The following NEGR1 variants were observed in gnomAD, a reference collection of about 807,000 sequenced individuals.
NEGR1 encodes IgLON family member 4.
Under a neutral mutation model 40.9 loss-of-function variants are expected in NEGR1, and 10 were observed. That is an observed-to-expected ratio of 0.24 (90% CI 0.15 to 0.42). NEGR1 has a LOEUF of 0.42. Ranked by LOEUF, NEGR1 falls within the 10% of genes least tolerant of loss-of-function variation. The pLI is 1.00. For synonymous variants in NEGR1, 185 were observed against 166.8 expected (o/e 1.11, Z -0.84); for missense variants, 352 against 438.9 (o/e 0.80, Z 1.77).
chr1:72,050,171 A>C (rs1297129270), intron 1 of NEGR1, among the ~76,000 whole-genome samples: 1 of 151,666 alleles, frequency 6.6e-6, no homozygotes, highest in African/African-American at 2.4e-5. Flanking sequence ...AATTACATAT[A>C]GTATATAAAG....
chr1:72,072,645 A>G (rs1031092169), intron 1 of NEGR1, among the ~76,000 whole-genome samples: 5 of 152,166 alleles, frequency 3.3e-5, no homozygotes, highest in African/African-American at 1.2e-4. Context: ...GGTTTGATCT[A>G]GCCTCTGAAG....
At chr1:71,934,836 C>T (rs1055208181) in intron 2 of NEGR1, among the ~76,000 whole-genome samples, 4 of 151,646 alleles carry the variant, frequency 2.6e-5, no homozygotes, top group African/African-American at 7.3e-5. Flanking sequence ...TATGTGTGTG[C>T]GCGTGTGTGT....
chr1:71,950,761 G>A lies in NEGR1; in HGVS notation c.177-15450C>T, dbSNP rs567296571. On this transcript the variant is annotated intron_variant, in intron 1 of 6. Coordinates refer to ENST00000357731, the MANE Select transcript of NEGR1 (RefSeq NM_173808.3). ...TTACCAATATTTCACAATTGTCTTT[G>A]TAGTCAATACTAAACACAGAGGTCT... Among the ~76,000 whole-genome samples, 4 of 151,956 alleles carry A rather than the reference G, an allele frequency of 2.6e-5. No homozygotes were observed. The East Asian group carries it at 7.7e-4, about 29-fold the overall frequency.
At chr1:72,197,093 A>G (rs927878254) in intron 1 of NEGR1, among the ~76,000 whole-genome samples, 1 of 152,014 alleles carries the variant, frequency 6.6e-6, no homozygotes, top group Non-Finnish European at 1.5e-5. Flanking sequence ...AGGAAATTGA[A>G]GAATACACAA....
intron 1 of NEGR1, among the ~76,000 whole-genome samples, chr1:72,068,083 A>T (rs1258359593): frequency 6.6e-6 from 1 of 152,206 alleles, no homozygotes; most frequent in African/African-American, 2.4e-5. Flanking sequence ...ATTATAGTTT[A>T]AAACACTACA....
At chr1:72,088,500 G>T (rs1442715713) in intron 1 of NEGR1, among the ~76,000 whole-genome samples, 1 of 152,108 alleles carries the variant, frequency 6.6e-6, no homozygotes, top group Non-Finnish European at 1.5e-5. Flanking sequence ...CAATAGGAAA[G>T]AAAATGTAAG....
At chr1:72,133,463 A>G (rs1347359746) in intron 1 of NEGR1, among the ~76,000 whole-genome samples, 1 of 152,056 alleles carries the variant, frequency 6.6e-6, no homozygotes, top group Non-Finnish European at 1.5e-5. Context: ...GTAGTAAAAT[A>G]TAATTTTGGT....
chr1:71,468,697 A>G (rs1646762975), intron 6 of NEGR1: 1 of 152,010 alleles, frequency 6.6e-6, no homozygotes, highest in Non-Finnish European at 1.5e-5. Flanking sequence ...AAAGCATGTT[A>G]CTGAAGCAAT....
intron 3 of NEGR1, among the ~76,000 whole-genome samples, chr1:71,756,411 C>CA (rs200281643): frequency 0.12 from 7,859 of 66,150 alleles, 698 homozygotes; most frequent in African/African-American, 0.32. Flanking sequence ...CAAAAACAAA[C>CA]AAAAAAAAAA....
intron 1 of NEGR1, among the ~76,000 whole-genome samples, chr1:71,941,426 A>C (rs1182255222): frequency 6.6e-6 from 1 of 152,158 alleles, no homozygotes; most frequent in Non-Finnish European, 1.5e-5. Context: ...TTGTATGGTT[A>C]TATAAATATT....
At chr1:72,269,016 G>T (rs1007327565) in intron 1 of NEGR1, among the ~76,000 whole-genome samples, 4 of 151,506 alleles carry the variant, frequency 2.6e-5, no homozygotes, top group African/African-American at 9.7e-5. Flanking sequence ...AAAGTCTCTA[G>T]AAGACGGATA....
At chr1:71,552,390 G>A (rs939733319) in intron 6 of NEGR1, among the ~76,000 whole-genome samples, 5 of 149,904 alleles carry the variant, frequency 3.3e-5, no homozygotes, top group African/African-American at 1.2e-4. Flanking sequence ...CTGTAAACCT[G>A]TGTAGGCCCA....
intron 4 of NEGR1, among the ~76,000 whole-genome samples, chr1:71,683,510 T>G (rs1184583991): frequency 6.6e-6 from 1 of 152,140 alleles, no homozygotes; most frequent in Non-Finnish European, 1.5e-5. Context: ...ATCCAGCATC[T>G]TAGTTGTTTA....
intron 2 of NEGR1, among the ~76,000 whole-genome samples, chr1:71,915,976 G>C (rs1248073276): frequency 6.6e-6 from 1 of 152,178 alleles, no homozygotes; most frequent in African/African-American, 2.4e-5. Flanking sequence ...AGGGAAGGAA[G>C]AGTGCTTAGG....
intron 6 of NEGR1, among the ~76,000 whole-genome samples, chr1:71,500,001 A>C: frequency 6.6e-6 from 1 of 152,266 alleles, no homozygotes; most frequent in South Asian, 2.1e-4. Context: ...ATTCAATTTT[A>C]GAAACACAAA....
At chr1:72,020,920 G>C (rs1646750632) in intron 1 of NEGR1, among the ~76,000 whole-genome samples, 1 of 152,036 alleles carries the variant, frequency 6.6e-6, no homozygotes, top group Non-Finnish European at 1.5e-5. Context: ...AAAAAGTCAA[G>C]AAAGCAGGAC....
At chr1:71,692,908 G>A (rs983928201) in intron 4 of NEGR1, among the ~76,000 whole-genome samples, 14 of 151,684 alleles carry the variant, frequency 9.2e-5, no homozygotes, top group South Asian at 4.1e-4. Flanking sequence ...TACTAAAAAC[G>A]TGTGTACAAA....
rs549113215 is a variant in NEGR1 at position 71,565,875 on chromosome 1, G to T, written c.940+26942C>A. ...TTTCTTTTTTTATTTTGAATAATTT[G>T]CTAGTCTCTTCTTGCTGATCTATGT... On this transcript the variant is annotated intron_variant, in intron 6 of 6. Transcript: ENST00000357731. 7.9e-5 allele frequency among the ~76,000 whole-genome samples: 12 copies of T among 152,170 alleles called. No individual in the cohort carries two copies. In the East Asian group the frequency reaches 2.3e-3, roughly 29 times the overall value.
intron 1 of NEGR1, among the ~76,000 whole-genome samples, chr1:72,104,436 A>G (rs1485039568): frequency 6.6e-6 from 1 of 152,128 alleles, no homozygotes; most frequent in Non-Finnish European, 1.5e-5. Context: ...CTGTGAGCCA[A>G]AAAACATGGA....
Sources: gnomAD v4.1 joint callset for allele counts (sites outside exome capture counted in the v4.1 genomes callset) on GRCh38, gnomAD v4.1.1 for gene constraint, MANE v1.5 for transcripts, NCBI Gene and HGNC (gene_info 2026-07-23, HGNC 2026-07-21) for gene names.